The following MMD variants were observed in gnomAD, a reference collection of about 807,000 sequenced individuals.
MMD encodes the protein monocyte to macrophage differentiation factor.
Under a neutral mutation model 33.6 loss-of-function variants are expected in MMD, and 22 were observed. The ratio of observed to expected loss-of-function variants is 0.66; its 90% CI spans 0.47 to 0.94. The LOEUF (loss-of-function observed/expected upper bound fraction) is 0.94. Among genes scored for constraint, MMD ranks in the 40% least tolerant of loss-of-function variants. The pLI is 0.00. For synonymous variants in MMD, 97 were observed against 103.2 expected (o/e 0.94, Z 0.36); for missense variants, 242 against 309.8 (o/e 0.78, Z 1.64).
chr17:55,400,139 G>T (rs948923441), intron 6 of MMD, among the ~76,000 whole-genome samples: 45 of 152,218 alleles, frequency 3.0e-4, no homozygotes, highest in African/African-American at 9.4e-4. Flanking sequence ...GTATCTCAAA[G>T]AAATATATTT....
chr17:55,419,402 A>G (rs1440031298), intron 1 of MMD, among the ~76,000 whole-genome samples: 2 of 152,202 alleles, frequency 1.3e-5, no homozygotes, highest in Non-Finnish European at 2.9e-5. Context: ...GAAATTTTTC[A>G]CATCCTAAGT....
chr17:55,411,200 C>T, intron 3 of MMD, 57 bp downstream of exon 3: 1 of 1,559,304 alleles, frequency 6.4e-7, no homozygotes, highest in Non-Finnish European at 8.7e-7. Context: ...TGGAAGGGTA[C>T]CAAACACGTT....
intron 3 of MMD, 137 bp downstream of exon 3, chr17:55,411,120 G>A (rs533859774): frequency 1.1e-6 from 1 of 947,710 alleles, no homozygotes; most frequent in Admixed American, 2.9e-5. Context: ...CTGAATAATG[G>A]GATAGTATTC....
chr17:55,398,995 T>C (rs1370238954), intron 6 of MMD, among the ~76,000 whole-genome samples: 1 of 152,222 alleles, frequency 6.6e-6, no homozygotes. Context: ...AACTGCTTCA[T>C]GGATTTCTGA....
intron 1 of MMD, among the ~76,000 whole-genome samples, chr17:55,414,794 G>A (rs980094106): frequency 1.3e-5 from 2 of 152,018 alleles, no homozygotes; most frequent in African/African-American, 2.4e-5. Flanking sequence ...TGTATTACCA[G>A]ACAGCTTAAA....
intron 3 of MMD, among the ~76,000 whole-genome samples, chr17:55,408,206 C>A (rs891444644): frequency 1.3e-5 from 2 of 152,158 alleles, no homozygotes; most frequent in East Asian, 3.8e-4. Flanking sequence ...CCGCAACCTG[C>A]CCCAGCTCCT....
At position 55,394,374 on chromosome 17, in the gene MMD, T is replaced by C; in HGVS notation, c.677A>G (p.Tyr226Cys). ...AAAGTCCGTAGGACTTCGGTAAAGG[T>C]ATTTCCAAATGGCGTAGTAATGCAC... ...AAVHYYAIWK[Y>C]LYRSPTDFMR... is the part of the protein sequence containing the mutation. Residue 226 changes from tyrosine (Y) to cysteine (C), a missense_variant, in exon 7 of 7, where the codon TAC becomes TGC. Coordinates refer to ENST00000262065, the MANE Select transcript of MMD (RefSeq NM_012329.3). The C allele has an allele frequency of 7.0e-7, 1 of 1,424,992 alleles. No homozygotes were observed. 88.3% of individuals were successfully genotyped at this position (1,424,992 alleles called of 1,614,324 possible).
intron 2 of MMD, among the ~76,000 whole-genome samples, chr17:55,413,233 G>A (rs1440304946): frequency 6.6e-6 from 1 of 152,174 alleles, no homozygotes; most frequent in African/African-American, 2.4e-5. Context: ...AAACTAGCCT[G>A]TTCCAAACAC....
At chr17:55,398,118 AAAAAAAAAAAAG>A (rs1254784717) in intron 6 of MMD, among the ~76,000 whole-genome samples, 1 of 150,256 alleles carries the variant, frequency 6.7e-6, no homozygotes, top group Non-Finnish European at 1.5e-5. Context: ...CTTCAAAAAA[AAAAAAAAAAAAG>A]AAAAGAAAAA....
intron 5 of MMD, among the ~76,000 whole-genome samples, chr17:55,403,491 CATGCTATAGAAAT>C (rs1411211171): frequency 1.3e-5 from 2 of 152,168 alleles, no homozygotes; most frequent in Non-Finnish European, 2.9e-5. Flanking sequence ...CAATTTGCCT[CATGCTATAGAAAT>C]GAAGTCTGAT....
rs1906979090 is a variant in MMD, at chr17:55,393,125, T to C, written c.*1209A>G. 1 of 151,852 alleles carries C rather than the reference T, an allele frequency of 6.6e-6. No homozygotes were observed. Among genetic ancestry groups the C allele is most frequent in the Admixed American group, 6.6e-5 (1 of 15,218 alleles). 9.4% of individuals were successfully genotyped at this position (151,852 alleles called of 1,614,324 possible). On this transcript the variant is annotated 3_prime_UTR_variant, in exon 7 of 7. Coordinates refer to ENST00000262065, the MANE Select transcript of MMD (RefSeq NM_012329.3). ...ACTATTAACAACATGTTAATCTTAA[T>C]ATAAGACACTGAGAGAAAAGTAAAA...
rs759482736 is a variant in MMD, at chr17:55,411,325, C to T, written c.201G>A (p.Met67Ile). ...WEKITAWIYG[M>I]GLCALFIVST... The stretch of plus-strand genomic sequence containing the variant: ...AAACGATGAAGAGGGCACAGAGTCC[C>T]ATTCCATAAATCCATGCTGTTATCT... Residue 67 changes from methionine to isoleucine, a missense_variant, in exon 3 of 7, where the codon ATG becomes ATA. Coordinates refer to ENST00000262065, the MANE Select transcript of MMD (RefSeq NM_012329.3). 1.6e-5 allele frequency: 26 copies of T among 1,614,100 alleles called. No homozygotes were observed. Among genetic ancestry groups the T allele is most frequent in the Non-Finnish European group, 2.1e-5 (25 of 1,180,004 alleles).
rs745700803 is a variant in MMD at position 55,394,418 on chromosome 17, A to G, written c.633T>C (p.Phe211=). 2.0e-6 allele frequency: 3 copies of G among 1,512,116 alleles called. No individual in the cohort carries two copies. In the South Asian group the frequency reaches 4.0e-5, roughly 20 times the overall value. The allele number at this position is 1,512,116 out of a possible 1,614,324, so 93.7% of individuals were successfully genotyped here. A position where few individuals can be genotyped will look rare whatever the true frequency, so the allele number is the denominator to read the frequency against. ...AATGCACTGCAGCTGCCGTGGCCAC[A>G]AACAGGTGCCAGATGGCGTGGGCAA... The part of the protein sequence containing the change: ...IPFAHAIWHL[F]VATAAAVHYY... Residue 211 remains phenylalanine (F), a synonymous_variant, in exon 7 of 7, where the codon TTT becomes TTC. Coordinates refer to ENST00000262065, the MANE Select transcript of MMD (RefSeq NM_012329.3).
chr17:55,421,729 C>G lies in MMD; in HGVS notation c.-34G>C. The stretch of plus-strand genomic sequence containing the variant: ...TGCTCCTCCTCGGGGGCCAGGAGCT[C>G]CGTCTCGTCAGCACCGGCGGCCGGG... On this transcript the variant is annotated 5_prime_UTR_variant, in exon 1 of 7. Transcript: ENST00000262065. 6 of 1,579,916 alleles carry G rather than the reference C, an allele frequency of 3.8e-6. No individual in the cohort carries two copies. The highest frequency in any genetic ancestry group is 4.3e-6 in the Non-Finnish European group (5 of 1,164,570).
intron 6 of MMD, 71 bp from the exon 7 acceptor site, chr17:55,394,605 TTCTC>T: frequency 3.3e-6 from 4 of 1,216,870 alleles, no homozygotes; most frequent in Non-Finnish European, 4.3e-6. Context: ...ATAACTGTAA[TTCTC>T]TCTAAGGCTC....
chr17:55,396,607 G>T (rs62078252), intron 6 of MMD, among the ~76,000 whole-genome samples: 38,478 of 151,582 alleles, frequency 0.25, 6,129 homozygotes, highest in Non-Finnish European at 0.34. Flanking sequence ...GTTGTTGGTG[G>T]TGGTGGTGGT....
chr17:55,417,727 T>G (rs1317547805), intron 1 of MMD, among the ~76,000 whole-genome samples: 1 of 151,942 alleles, frequency 6.6e-6, no homozygotes, highest in Non-Finnish European at 1.5e-5. Context: ...GCCTCGGAGG[T>G]CAAGGCTGCA....
In MMD at chr17:55,418,474, C is replaced by A. The variant is rs559812566; in HGVS notation, c.26+3196G>T. Reference sequence around the variant, plus strand: ...CAGCAGGTTCTGTAAGTAAGAGAAACAGGCAGCCTTGGAACCAAGAGAACC... The same window carrying A: ...CAGCAGGTTCTGTAAGTAAGAGAAAAAGGCAGCCTTGGAACCAAGAGAACC... On this transcript the variant is annotated intron_variant, in intron 1 of 6. Coordinates refer to ENST00000262065, the MANE Select transcript of MMD (RefSeq NM_012329.3). Among the ~76,000 whole-genome samples the A allele has an allele frequency of 2.5e-3, 374 of 152,328 alleles. 4 individuals are homozygous for A. Among genetic ancestry groups the A allele is most frequent in the South Asian group, 3.7e-3 (18 of 4,830 alleles).
chr17:55,411,435 A>ACT lies in MMD; in HGVS notation c.109-19_109-18insAG. 1 of 1,601,936 alleles carries ACT rather than the reference A, an allele frequency of 6.2e-7. No homozygotes were observed. The highest frequency in any genetic ancestry group is 8.5e-7 in the Non-Finnish European group (1 of 1,175,524). ...ATGAGGAACTGAGGGAAAGATAAAG[A>ACT]ATGGTGAATGGAATATTCTGGCTTT... is the stretch of plus-strand genomic sequence containing the variant. On this transcript the variant is annotated intron_variant, in intron 2 of 6. Transcript: ENST00000262065.
Sources: allele counts gnomAD v4.1 joint callset (sites outside exome capture counted in the v4.1 genomes callset), GRCh38; gene constraint gnomAD v4.1.1; transcripts MANE v1.5; gene names NCBI Gene and HGNC (gene_info 2026-07-23, HGNC 2026-07-21).